MBTD1: variants seen among roughly 807,000 people sequenced by gnomAD.
MBTD1 encodes the protein MBT domain-containing protein 1.
In MBTD1, 24 loss-of-function variants were observed where a neutral mutation model predicts 87.8. That is an observed-to-expected ratio of 0.27 (90% CI 0.20 to 0.38). MBTD1 has a LOEUF of 0.38. MBTD1 is among the 10% of genes least tolerant of loss of function. The pLI is 1.00. For synonymous variants in MBTD1, 237 were observed against 248.6 expected (o/e 0.95, Z 0.44); for missense variants, 436 against 760.2 (o/e 0.57, Z 5.02).
intron 6 of MBTD1, among the ~76,000 whole-genome samples, chr17:51,216,341 A>G (rs925863959): frequency 2.0e-5 from 3 of 152,238 alleles, no homozygotes; most frequent in African/African-American, 7.2e-5. Context: ...TTAAGTATTA[A>G]TTAAAGTTGT....
chr17:51,217,205 A>T, intron 6 of MBTD1, 129 bp downstream of exon 6: 1 of 560,862 alleles, frequency 1.8e-6, no homozygotes, highest in African/African-American at 2.0e-5. Context: ...ATAATAATAA[A>T]AGAAGCATTT....
chr17:51,189,159 T>C (rs766303676), intron 16 of MBTD1, among the ~76,000 whole-genome samples: 24 of 109,222 alleles, frequency 2.2e-4, no homozygotes, highest in Non-Finnish European at 3.8e-4. Context: ...AATATTTATA[T>C]ATATATTTGC....
intron 2 of MBTD1, among the ~76,000 whole-genome samples, chr17:51,249,287 T>C (rs764289767): frequency 6.6e-6 from 1 of 152,140 alleles, no homozygotes; most frequent in Non-Finnish European, 1.5e-5. Flanking sequence ...TTATTAGGGA[T>C]ATACTTGAAG....
intron 3 of MBTD1, among the ~76,000 whole-genome samples, chr17:51,221,282 A>G (rs1055784640): frequency 6.6e-6 from 1 of 152,232 alleles, no homozygotes; most frequent in Non-Finnish European, 1.5e-5. Flanking sequence ...TGGACAACAG[A>G]AGGAGATCCT....
chr17:51,257,148 T>A (rs1358722809), intron 2 of MBTD1, among the ~76,000 whole-genome samples: 1 of 152,244 alleles, frequency 6.6e-6, no homozygotes, highest in Admixed American at 6.5e-5. Flanking sequence ...AATACTGTGG[T>A]GTTAGGAGAA....
intron 6 of MBTD1, among the ~76,000 whole-genome samples, chr17:51,213,003 C>A (rs1038089068): frequency 1.3e-5 from 2 of 152,166 alleles, no homozygotes; most frequent in African/African-American, 2.4e-5. Flanking sequence ...GCTGGGATTA[C>A]AGGCGTGAGT....
At chr17:51,233,939 C>T (rs1475202434) in intron 2 of MBTD1, among the ~76,000 whole-genome samples, 1 of 150,366 alleles carries the variant, frequency 6.7e-6, no homozygotes, top group African/African-American at 2.5e-5. Flanking sequence ...AATCTATACT[C>T]AAAGCTCCAA....
chr17:51,210,473 C>T (rs1026509157), intron 6 of MBTD1, among the ~76,000 whole-genome samples: 2 of 151,942 alleles, frequency 1.3e-5, no homozygotes, highest in Admixed American at 6.6e-5. Context: ...ATTTGAAAGG[C>T]GGCCAGGTGT....
intron 2 of MBTD1, among the ~76,000 whole-genome samples, chr17:51,229,308 T>A (rs2053424655): frequency 6.6e-6 from 1 of 152,190 alleles, no homozygotes. Flanking sequence ...GTTTTTTTTT[T>A]AATCCTCTCA....
chr17:51,185,237 A>G (rs1292075844), intron 16 of MBTD1: 1 of 152,240 alleles, frequency 6.6e-6, no homozygotes, highest in Non-Finnish European at 1.5e-5. Flanking sequence ...TAAAAGCAAT[A>G]GTTAGCATAT....
chr17:51,210,330 G>C (rs2052105282), intron 6 of MBTD1, among the ~76,000 whole-genome samples: 1 of 151,996 alleles, frequency 6.6e-6, no homozygotes, highest in Non-Finnish European at 1.5e-5. Context: ...TCTATCTTTT[G>C]GGGTGGTGGT....
At position 51,249,111 on chromosome 17, in the gene MBTD1, T is replaced by A. The variant is rs994562500; in HGVS notation, c.-49+10032A>T. Among the ~76,000 whole-genome samples, 4 of 129,788 alleles carry A rather than the reference T, an allele frequency of 3.1e-5. No homozygotes were observed. The East Asian group carries it at 9.9e-4, about 32-fold the overall frequency. The allele number at this position is 129,788 out of a possible 152,430, so 85.1% of individuals were successfully genotyped here. ...ACAATAAGCAAAAAAAAAAAAAAAA[T>A]TAGCTGGGCATGGTGGTGTGCACCT... is the stretch of plus-strand genomic sequence containing the variant. On this transcript the variant is annotated intron_variant, in intron 2 of 16. Coordinates refer to ENST00000586178, the MANE Select transcript of MBTD1 (RefSeq NM_017643.3).
intron 2 of MBTD1, among the ~76,000 whole-genome samples, chr17:51,229,905 G>A (rs1332638399): frequency 1.3e-5 from 2 of 151,912 alleles, no homozygotes; most frequent in South Asian, 2.1e-4. Flanking sequence ...CATGATCCCC[G>A]TCTCGGCCTC....
intron 12 of MBTD1, among the ~76,000 whole-genome samples, chr17:51,199,354 G>C (rs2051326907): frequency 1.3e-5 from 2 of 151,650 alleles, no homozygotes; most frequent in South Asian, 4.2e-4. Context: ...TGGAATTACA[G>C]GTGTGAGCCA....
intron 2 of MBTD1, among the ~76,000 whole-genome samples, chr17:51,247,441 C>CATTTTTT (rs1266579249): frequency 6.1e-5 from 8 of 132,042 alleles, no homozygotes. Context: ...ATCAGTATTA[C>CATTTTTT]TTTTTTTTTT....
Position 51,228,637 on chromosome 17 carries a change from G to A in MBTD1, c.-48-3428C>T, listed in dbSNP as rs370161830. 1.8e-4 allele frequency among the ~76,000 whole-genome samples: 28 copies of A among 151,694 alleles called. 1 individual carries two copies. In the East Asian group the frequency reaches 4.6e-3, roughly 25 times the overall value. On this transcript the variant is annotated intron_variant, in intron 2 of 16. Transcript: ENST00000586178. ...AAAAAAAAAAATTGGGAGGCTGGGC[G>A]CGGTGGGTCACGCCTGTAATTCCAG...
At chr17:51,208,882 A>G (rs1454543806) in intron 6 of MBTD1, among the ~76,000 whole-genome samples, 1 of 152,248 alleles carries the variant, frequency 6.6e-6, no homozygotes, top group Non-Finnish European at 1.5e-5. Context: ...CTTAAAAAAT[A>G]ATGTTCACTT....
At position 51,217,334 on chromosome 17, in the gene MBTD1, A is replaced by C; in HGVS notation, c.486T>G (p.His162Gln). ...ATAAGGTGAGAAATTCTGTACTTAC[A>C]TGTTTAAAACAGGTAACCGGAGCTG... Reference protein sequence around the residue: ...FIAAPVTCFKHAPMGTCWGDI... With the variant: ...FIAAPVTCFKQAPMGTCWGDI... Residue 162 changes from histidine to glutamine, a missense_variant and splice_region_variant, in exon 6 of 17, where the codon CAT becomes CAG. This residue lies in a region of MBTD1 where 268 missense variants were observed against 401.8 expected (regional missense o/e 0.67). Coordinates refer to ENST00000586178, the MANE Select transcript of MBTD1 (RefSeq NM_017643.3). 1 of 1,514,190 alleles carries C rather than the reference A, an allele frequency of 6.6e-7. No homozygotes were observed. The allele number at this position is 1,514,190 out of a possible 1,614,324, so 93.8% of individuals were successfully genotyped here.
At position 51,179,488 on chromosome 17, in the gene MBTD1, A is replaced by ATATATATATATATATATTTATATTTATT. The variant is rs1568135533; in HGVS notation, c.*1087_*1088insAATAAATATAAATATATATATATATATA. 1 of 18,464 alleles carries ATATATATATATATATATTTATATTTATT rather than the reference A, an allele frequency of 5.4e-5. No homozygotes were observed. The highest frequency in any genetic ancestry group is 1.8e-4 in the African/African-American group (1 of 5,530). 1.1% of individuals were successfully genotyped at this position (18,464 alleles called of 1,614,324 possible). A position where few individuals can be genotyped will look rare whatever the true frequency, so the allele number is the denominator to read the frequency against. On this transcript the variant is annotated 3_prime_UTR_variant, in exon 17 of 17. Transcript: ENST00000586178. The stretch of plus-strand genomic sequence containing the variant: ...TGAATACAATTAAAGACAATTTTAT[A>ATATATATATATATATATTTATATTTATT]TATATATATATATATATATATATAT...
Sources: allele counts gnomAD v4.1 joint callset (sites outside exome capture counted in the v4.1 genomes callset), GRCh38; gene constraint gnomAD v4.1.1; regional missense constraint gnomAD v4.1.1; transcripts MANE v1.5; gene names NCBI Gene and HGNC (gene_info 2026-07-23, HGNC 2026-07-21).